The following NRG3 variants were observed in gnomAD, a reference collection of about 807,000 sequenced individuals.
The protein encoded by NRG3 is neuregulin 3, also known as pro-neuregulin-3, membrane-bound isoform.
In NRG3, 31 loss-of-function variants were observed where a neutral mutation model predicts 66.9. That is an observed-to-expected ratio of 0.46 (90% CI 0.35 to 0.63). The LOEUF (loss-of-function observed/expected upper bound fraction) is 0.63. NRG3 is among the 20% of genes least tolerant of loss of function. The pLI is 0.00. For synonymous variants in NRG3, 393 were observed against 359.4 expected (o/e 1.09, Z -1.06); for missense variants, 910 against 878.9 (o/e 1.04, Z -0.45).
chr10:82,922,143 G>A (rs1425595543), intron 4 of NRG3, among the ~76,000 whole-genome samples: 3 of 151,844 alleles, frequency 2.0e-5, no homozygotes, highest in South Asian at 2.1e-4. Flanking sequence ...GAAGAGAACC[G>A]GAAGAGGATG....
At chr10:82,454,365 T>C (rs1262933858) in intron 2 of NRG3, among the ~76,000 whole-genome samples, 1 of 152,082 alleles carries the variant, frequency 6.6e-6, no homozygotes, top group Non-Finnish European at 1.5e-5. Flanking sequence ...TAAAACTGGT[T>C]ATGAGGAAGA....
At chr10:82,859,869 T>C (rs2064022357) in intron 3 of NRG3, among the ~76,000 whole-genome samples, 1 of 152,164 alleles carries the variant, frequency 6.6e-6, no homozygotes, top group Non-Finnish European at 1.5e-5. Flanking sequence ...AGAATTTTTG[T>C]TAATTAAAAA....
intron 1 of NRG3, among the ~76,000 whole-genome samples, chr10:82,099,444 T>C (rs948009707): frequency 9.9e-5 from 15 of 152,162 alleles, no homozygotes; most frequent in Non-Finnish European, 1.8e-4. Context: ...CACATTGTCT[T>C]AATATGGTAG....
chr10:82,495,198 G>T (rs1264006102), intron 2 of NRG3, among the ~76,000 whole-genome samples: 2 of 152,078 alleles, frequency 1.3e-5, no homozygotes, highest in African/African-American at 2.4e-5. Context: ...GCCTCCCAAA[G>T]TGCTGGGATT....
chr10:82,123,915 G>A (rs141333596), intron 1 of NRG3, among the ~76,000 whole-genome samples: 16 of 151,982 alleles, frequency 1.1e-4, no homozygotes, highest in African/African-American at 3.9e-4. Flanking sequence ...ATTGACAGGG[G>A]AAACCAATTT....
intron 4 of NRG3, among the ~76,000 whole-genome samples, chr10:82,891,506 T>G: frequency 6.6e-6 from 1 of 152,020 alleles, no homozygotes; most frequent in East Asian, 1.9e-4. Flanking sequence ...CACACATCCT[T>G]GTTAGATTTA....
In NRG3 at chr10:81,956,860, C is replaced by G. The variant is rs114303391; in HGVS notation, c.823+80697C>G. ...GCCCTGTGCTACCTGGTGTCTTTTTCTCTGAACTCCTTTCTACCACTCTCC... is the reference window on the plus strand; with the variant it reads ...GCCCTGTGCTACCTGGTGTCTTTTTGTCTGAACTCCTTTCTACCACTCTCC... On this transcript the variant is annotated intron_variant, in intron 1 of 8. Coordinates refer to ENST00000372141, the MANE Select transcript of NRG3 (RefSeq NM_001010848.4). Among the ~76,000 whole-genome samples, 527 of 152,236 alleles carry G rather than the reference C, an allele frequency of 3.5e-3. 6 individuals carry two copies. The highest frequency in any genetic ancestry group is 0.012 in the African/African-American group (503 of 41,542).
intron 2 of NRG3, among the ~76,000 whole-genome samples, chr10:82,514,567 A>T (rs990474848): frequency 6.6e-6 from 1 of 152,018 alleles, no homozygotes; most frequent in Non-Finnish European, 1.5e-5. Flanking sequence ...TACCAGTACT[A>T]TGCTGGTTTT....
At chr10:81,917,897 T>G (rs958847390) in intron 1 of NRG3, among the ~76,000 whole-genome samples, 2 of 152,114 alleles carry the variant, frequency 1.3e-5, no homozygotes, top group African/African-American at 4.8e-5. Flanking sequence ...TCAGGAGACA[T>G]GGGTGTGGTT....
At chr10:82,673,764 T>C (rs1303968029) in intron 2 of NRG3, among the ~76,000 whole-genome samples, 2 of 152,212 alleles carry the variant, frequency 1.3e-5, no homozygotes, top group South Asian at 4.1e-4. Context: ...GGGATCCATG[T>C]GAAGATACCA....
At chr10:82,305,867 A>G (rs1427934843) in intron 1 of NRG3, among the ~76,000 whole-genome samples, 1 of 152,140 alleles carries the variant, frequency 6.6e-6, no homozygotes. Context: ...ACTGACTGCT[A>G]CTAAAATATA....
rs574230850 is a variant in NRG3, at chr10:82,884,119, C to A, written c.1054+18682C>A. 6.6e-5 allele frequency among the ~76,000 whole-genome samples: 10 copies of A among 151,896 alleles called. No homozygotes were observed. In the South Asian group the frequency reaches 2.1e-3, roughly 32 times the overall value. On this transcript the variant is annotated intron_variant, in intron 4 of 8. Transcript: ENST00000372141. Reference sequence around the variant, plus strand: ...TATAAGAGATATAAGCAAAATGGGTCTACACTTTGTTTTACCTGTCTACCA... The same window carrying A: ...TATAAGAGATATAAGCAAAATGGGTATACACTTTGTTTTACCTGTCTACCA...
At chr10:82,493,043 C>T (rs143870101) in intron 2 of NRG3, among the ~76,000 whole-genome samples, 101 of 151,990 alleles carry the variant, frequency 6.6e-4, no homozygotes, top group Middle Eastern at 3.5e-3. Context: ...CTTCAGTGCT[C>T]TCTGGAACAA....
intron 2 of NRG3, among the ~76,000 whole-genome samples, chr10:82,576,344 T>A (rs1413641754): frequency 6.6e-6 from 1 of 151,514 alleles, no homozygotes; most frequent in Admixed American, 6.6e-5. Flanking sequence ...TCCCTTATAT[T>A]CCACTGTGCT....
intron 1 of NRG3, among the ~76,000 whole-genome samples, chr10:81,900,811 T>C (rs898370662): frequency 1.6e-4 from 24 of 152,228 alleles, no homozygotes; most frequent in African/African-American, 5.5e-4. Flanking sequence ...TTTGTTATTA[T>C]TTATGCAGAA....
At chr10:82,186,421 A>G (rs2073812554) in intron 1 of NRG3, among the ~76,000 whole-genome samples, 1 of 152,170 alleles carries the variant, frequency 6.6e-6, no homozygotes, top group African/African-American at 2.4e-5. Flanking sequence ...CTGCCCTTAC[A>G]GGCTCCATCC....
chr10:82,680,041 G>A (rs991391598), intron 2 of NRG3, among the ~76,000 whole-genome samples: 19 of 152,090 alleles, frequency 1.2e-4, no homozygotes, highest in African/African-American at 4.6e-4. Flanking sequence ...CTGATGGGAA[G>A]CATTATCCAT....
intron 3 of NRG3, among the ~76,000 whole-genome samples, chr10:82,805,742 T>C (rs1008676847): frequency 2.6e-5 from 4 of 152,174 alleles, no homozygotes; most frequent in African/African-American, 9.7e-5. Flanking sequence ...AGCTTATGAC[T>C]TGGGCAAATT....
intron 4 of NRG3, among the ~76,000 whole-genome samples, chr10:82,937,650 A>C (rs1848212327): frequency 6.6e-6 from 1 of 152,216 alleles, no homozygotes; most frequent in Non-Finnish European, 1.5e-5. Context: ...GAGAAGGGAA[A>C]GTGGCCTACA....
Sources: allele counts gnomAD v4.1 joint callset (sites outside exome capture counted in the v4.1 genomes callset), GRCh38; gene constraint gnomAD v4.1.1; transcripts MANE v1.5; gene names NCBI Gene and HGNC (gene_info 2026-07-23, HGNC 2026-07-21).